The following USP12 variants were observed in gnomAD, a reference collection of about 807,000 sequenced individuals.
The protein encoded by USP12 is ubiquitin carboxyl-terminal hydrolase 12.
Under a neutral mutation model 45.5 loss-of-function variants are expected in USP12, and 19 were observed. The observed-to-expected ratio is 0.42, with a 90% CI of 0.29 to 0.61. USP12 has a LOEUF of 0.61. USP12 is among the 20% of genes least tolerant of loss of function. The probability of loss-of-function intolerance (pLI) is 0.22; values close to 1 mark genes in which losing one functional copy is unlikely to be tolerated. For missense variants in USP12, 242 were observed against 447.7 expected, an observed-to-expected ratio of 0.54 and a Z score of 4.15; for synonymous variants, 149 against 148.8, an observed-to-expected ratio of 1.00 and a Z score of -0.01.
At chr13:27,087,176 G>C (rs1054619764) in intron 6 of USP12, among the ~76,000 whole-genome samples, 1 of 151,548 alleles carries the variant, frequency 6.6e-6, no homozygotes, top group African/African-American at 2.4e-5. Flanking sequence ...CAGGGAGCGG[G>C]GGCAGGAAGG....
intron 1 of USP12, among the ~76,000 whole-genome samples, chr13:27,146,473 G>C (rs1398382073): frequency 6.6e-6 from 1 of 152,204 alleles, no homozygotes; most frequent in Non-Finnish European, 1.5e-5. Context: ...GGAGTGAGCA[G>C]TTATGGAGAG....
At chr13:27,073,066 G>A (rs1019836733) in intron 7 of USP12, among the ~76,000 whole-genome samples, 2 of 152,168 alleles carry the variant, frequency 1.3e-5, no homozygotes, top group South Asian at 2.1e-4. Context: ...GGCTAGCAAT[G>A]CACGTCTAGT....
Position 27,105,857 on chromosome 13 carries a change from G to T in USP12, c.217C>A (p.Gln73Lys). ...FREKVLAYKSQPRKKESLLTC... is the reference protein window; with the variant it reads ...FREKVLAYKSKPRKKESLLTC... The stretch of plus-strand genomic sequence containing the variant: ...AGAAGGCTCTCCTTTTTCCTAGGTT[G>T]ACTCTTATACGCAAGAACTTTTTCC... Residue 73 changes from glutamine to lysine, a missense_variant, in exon 3 of 9, where the codon CAA becomes AAA. Around this residue, in one of 5 missense-constraint regions of USP12, gnomAD observed 77 missense variants for 153.7 expected, o/e 0.50. Transcript: ENST00000282344. The T allele has an allele frequency of 6.2e-7, 1 of 1,613,774 alleles. No individual in the cohort carries two copies. Among genetic ancestry groups the T allele is most frequent in the Non-Finnish European group, 8.5e-7 (1 of 1,179,800 alleles).
intron 2 of USP12, among the ~76,000 whole-genome samples, chr13:27,114,049 C>T (rs749351869): frequency 2.6e-5 from 4 of 152,070 alleles, no homozygotes; most frequent in Non-Finnish European, 5.9e-5. Context: ...AGGGAAAGCA[C>T]ATTTCTTTTT....
chr13:27,103,607 A>AAAT (rs1555234498), intron 3 of USP12, among the ~76,000 whole-genome samples: 16 of 128,484 alleles, frequency 1.2e-4, no homozygotes, highest in East Asian at 2.3e-4. Flanking sequence ...TCAAAAAAAA[A>AAAT]AATAATAATA....
intron 1 of USP12, among the ~76,000 whole-genome samples, chr13:27,159,659 AT>A (rs1186478257): frequency 2.0e-5 from 3 of 152,144 alleles, no homozygotes; most frequent in Non-Finnish European, 4.4e-5. Flanking sequence ...CTACACCTTT[AT>A]TTTTTATCAT....
At chr13:27,084,217 CAA>C (rs1305676979) in intron 6 of USP12, among the ~76,000 whole-genome samples, 29 of 99,130 alleles carry the variant, frequency 2.9e-4, no homozygotes, top group African/African-American at 9.8e-4. Flanking sequence ...CACACACACA[CAA>C]ATTCCTGTCT....
At chr13:27,164,672 G>A (rs1878272854) in intron 1 of USP12, among the ~76,000 whole-genome samples, 1 of 152,334 alleles carries the variant, frequency 6.6e-6, no homozygotes, top group Admixed American at 6.5e-5. Flanking sequence ...ATGGTCAAAT[G>A]TTATATGTAA....
intron 1 of USP12, among the ~76,000 whole-genome samples, chr13:27,145,060 G>C (rs1251873609): frequency 1.3e-5 from 2 of 152,180 alleles, no homozygotes; most frequent in African/African-American, 4.8e-5. Context: ...CCCTGCAGCA[G>C]AGTGAGACCC....
intron 3 of USP12, among the ~76,000 whole-genome samples, chr13:27,104,987 T>C (rs1875059442): frequency 6.6e-6 from 1 of 152,230 alleles, no homozygotes; most frequent in Non-Finnish European, 1.5e-5. Context: ...CCACATTAGA[T>C]AGAACACTGG....
chr13:27,148,168 A>AGTT (rs1357668687), intron 1 of USP12, among the ~76,000 whole-genome samples: 2 of 152,046 alleles, frequency 1.3e-5, no homozygotes, highest in South Asian at 2.1e-4. Context: ...ACCTAACAGA[A>AGTT]GTTGTTCCTA....
At chr13:27,106,115 G>A (rs1875123969) in intron 2 of USP12, among the ~76,000 whole-genome samples, 171 bp from the exon 3 acceptor site, 1 of 151,856 alleles carries the variant, frequency 6.6e-6, no homozygotes, top group Non-Finnish European at 1.5e-5. Context: ...AAAATTCTTT[G>A]GAAATCACAA....
At chr13:27,161,881 CAAAAAATAAA>C (rs1260053981) in intron 1 of USP12, among the ~76,000 whole-genome samples, 13 of 119,236 alleles carry the variant, frequency 1.1e-4, no homozygotes, top group South Asian at 4.5e-4. Context: ...GGCTCTGTCT[CAAAAAATAAA>C]AAAAAATAAA....
Position 27,066,374 on chromosome 13 carries a change from G to A in USP12, c.*2909C>T, listed in dbSNP as rs574694197. ...TAAATTCACTGAAGAGCCAGGACAT[G>A]AGCGCTTTAGCCTCCCAGCTCCCAG... On this transcript the variant is annotated 3_prime_UTR_variant, in exon 9 of 9. Transcript: ENST00000282344. The A allele has an allele frequency of 6.6e-6, 1 of 152,356 alleles. No homozygotes were observed. Among genetic ancestry groups the A allele is most frequent in the South Asian group, 2.1e-4 (1 of 4,828 alleles). The allele number at this position is 152,356 out of a possible 1,614,324, so 9.4% of individuals were successfully genotyped here.
chr13:27,108,794 C>T (rs942527066), intron 2 of USP12, among the ~76,000 whole-genome samples: 1 of 152,106 alleles, frequency 6.6e-6, no homozygotes, highest in African/African-American at 2.4e-5. Context: ...CTGTCTCTAA[C>T]TGAAATTACA....
intron 6 of USP12, among the ~76,000 whole-genome samples, chr13:27,088,625 A>G (rs1874179396): frequency 6.6e-6 from 1 of 152,154 alleles, no homozygotes; most frequent in African/African-American, 2.4e-5. Flanking sequence ...GGCAGAGGGT[A>G]CCTACATGAC....
intron 1 of USP12, among the ~76,000 whole-genome samples, chr13:27,123,311 A>G (rs932590232): frequency 1.1e-4 from 16 of 152,126 alleles, no homozygotes; most frequent in Non-Finnish European, 1.9e-4. Context: ...TGTCTATAGT[A>G]CCTTCCATCC....
At position 27,097,987 on chromosome 13, in the gene USP12, T is replaced by G. The variant is rs996027713; in HGVS notation, c.344-2157A>C. On this transcript the variant is annotated intron_variant, in intron 3 of 8. Coordinates refer to ENST00000282344, the MANE Select transcript of USP12 (RefSeq NM_182488.4). ...CTGGAGGTAACTTTATATAGTACTT[T>G]TTTTTTTTTTTTTTTGAGATGGAGT... 2.1e-3 allele frequency among the ~76,000 whole-genome samples: 299 copies of G among 143,618 alleles called. 1 individual carries two copies. Among genetic ancestry groups the G allele is most frequent in the African/African-American group, 7.1e-3 (270 of 37,858 alleles). 94.2% of individuals were successfully genotyped at this position (143,618 alleles called of 152,430 possible).
chr13:27,119,903 CAGG>C (rs1392978760), intron 1 of USP12, among the ~76,000 whole-genome samples: 2 of 152,230 alleles, frequency 1.3e-5, no homozygotes, highest in African/African-American at 4.8e-5. Flanking sequence ...TCTGCAGATG[CAGG>C]AGAAGCATGC....
Sources: allele counts gnomAD v4.1 joint callset (sites outside exome capture counted in the v4.1 genomes callset), GRCh38; gene constraint gnomAD v4.1.1; regional missense constraint gnomAD v4.1.1; transcripts MANE v1.5; gene names NCBI Gene and HGNC (gene_info 2026-07-23, HGNC 2026-07-21).